The following SEPTIN7 variants were observed in gnomAD, a reference collection of about 807,000 sequenced individuals.
The protein encoded by SEPTIN7 is septin 7.
In SEPTIN7, 10 loss-of-function variants were observed where a neutral mutation model predicts 63.3. That is an observed-to-expected ratio of 0.16 (90% CI 0.10 to 0.27). SEPTIN7 has a LOEUF of 0.27. Among genes scored for constraint, SEPTIN7 ranks in the 10% least tolerant of loss-of-function variants. The probability of loss-of-function intolerance (pLI) is 1.00; values close to 1 mark genes in which losing one functional copy is unlikely to be tolerated. For missense variants in SEPTIN7, 310 were observed against 521.0 expected (o/e 0.59, Z 3.94); for synonymous variants, 131 against 165.3 (o/e 0.79, Z 1.59).
Position 35,906,581 on chromosome 7 carries a change from T to C in SEPTIN7, c.*2288T>C, listed in dbSNP as rs901183825. 37 of 152,198 alleles carry C rather than the reference T, an allele frequency of 2.4e-4. No homozygotes were observed. The highest frequency in any genetic ancestry group is 8.2e-4 in the African/African-American group (34 of 41,424). The allele number at this position is 152,198 out of a possible 1,614,324, so 9.4% of individuals were successfully genotyped here. A position where few individuals can be genotyped will look rare whatever the true frequency, so the allele number is the denominator to read the frequency against. On this transcript the variant is annotated 3_prime_UTR_variant, in exon 14 of 14. Coordinates refer to ENST00000350320, the MANE Select transcript of SEPTIN7 (RefSeq NM_001788.6). ...TAAGTGGGGCTGAACAAGTAAGCAC[T>C]AATAATACCAGTGAACCACTTGGGC...
At chr7:35,807,401 G>A (rs1425089085) in intron 1 of SEPTIN7, among the ~76,000 whole-genome samples, 3 of 117,164 alleles carry the variant, frequency 2.6e-5, no homozygotes, top group East Asian at 2.9e-4. Flanking sequence ...TCTCTGTGTC[G>A]CCCAGGCTGG....
intron 3 of SEPTIN7, 32 bp downstream of exon 3, chr7:35,832,932 T>G: frequency 2.4e-6 from 3 of 1,269,750 alleles, no homozygotes; most frequent in Non-Finnish European, 3.5e-6. Flanking sequence ...AAATGGAACT[T>G]TGGTTTAAGT....
chr7:35,849,531 A>G (rs35769007), intron 3 of SEPTIN7, among the ~76,000 whole-genome samples: 49,543 of 152,036 alleles, frequency 0.33, 8,307 homozygotes, highest in East Asian at 0.41. Context: ...CTAACAGGCC[A>G]CGGACTGTGG....
intron 1 of SEPTIN7, among the ~76,000 whole-genome samples, chr7:35,818,493 A>G (rs921226190): frequency 6.6e-6 from 1 of 151,966 alleles, no homozygotes; most frequent in Admixed American, 6.6e-5. Context: ...GAAGTATTTA[A>G]TCCTCTTCTA....
At chr7:35,886,087 A>G (rs1787227271) in intron 10 of SEPTIN7, among the ~76,000 whole-genome samples, 1 of 152,238 alleles carries the variant, frequency 6.6e-6, no homozygotes. Flanking sequence ...CTAGGGATAC[A>G]TAGGAAAATT....
chr7:35,897,044 T>C (rs1562588766), intron 11 of SEPTIN7, among the ~76,000 whole-genome samples: 1 of 152,190 alleles, frequency 6.6e-6, no homozygotes, highest in Non-Finnish European at 1.5e-5. Flanking sequence ...AGGAGAAAAG[T>C]CACCATAATA....
intron 1 of SEPTIN7, among the ~76,000 whole-genome samples, chr7:35,822,973 A>C (rs375410938): frequency 6.6e-6 from 1 of 152,184 alleles, no homozygotes; most frequent in African/African-American, 2.4e-5. Context: ...ACTTTCAGTA[A>C]GTTAGCTTCA....
At chr7:35,901,952 TTGC>T (rs1323187294) in intron 12 of SEPTIN7, 1 of 151,894 alleles carries the variant, frequency 6.6e-6, no homozygotes, top group Non-Finnish European at 1.5e-5. Flanking sequence ...TTTGTAGGAA[TTGC>T]ATGAAATAAT....
In SEPTIN7 at chr7:35,833,444, T is replaced by C. The variant is rs373544220; in HGVS notation, c.169+544T>C. On this transcript the variant is annotated intron_variant, in intron 3 of 13. Coordinates refer to ENST00000350320, the MANE Select transcript of SEPTIN7 (RefSeq NM_001788.6). ...TTTGTGTGTTATTCCATGAACACAT[T>C]ACCCTGCCTATAGTCCATTTGAAAA... Among the ~76,000 whole-genome samples, 122 of 152,108 alleles carry C rather than the reference T, an allele frequency of 8.0e-4. 5 individuals are homozygous for C. In the South Asian group the frequency reaches 0.025, roughly 31 times the overall value.
intron 1 of SEPTIN7, among the ~76,000 whole-genome samples, chr7:35,830,356 C>G (rs1783771870): frequency 6.6e-6 from 1 of 152,128 alleles, no homozygotes; most frequent in Non-Finnish European, 1.5e-5. Flanking sequence ...AGAGCCAGAT[C>G]TTGCTAGGCT....
chr7:35,871,464 G>T (rs142861161), intron 4 of SEPTIN7, among the ~76,000 whole-genome samples: 68 of 152,324 alleles, frequency 4.5e-4, no homozygotes, highest in African/African-American at 1.6e-3. Context: ...TAGCCACATG[G>T]ACAAGTGGAA....
At chr7:35,903,006 T>A in intron 12 of SEPTIN7, 70 bp from the exon 13 acceptor site, 1 of 1,476,266 alleles carries the variant, frequency 6.8e-7, no homozygotes, top group Non-Finnish European at 9.0e-7. Flanking sequence ...CATTAGGGTG[T>A]CTGGATGAAA....
chr7:35,825,946 G>A (rs908684327), intron 1 of SEPTIN7, among the ~76,000 whole-genome samples: 3 of 152,106 alleles, frequency 2.0e-5, no homozygotes, highest in Non-Finnish European at 4.4e-5. Context: ...GTTCATATCA[G>A]TAAAAAGAGG....
chr7:35,863,278 C>T (rs2116152001), intron 3 of SEPTIN7, among the ~76,000 whole-genome samples: 1 of 152,040 alleles, frequency 6.6e-6, no homozygotes, highest in Admixed American at 6.6e-5. Context: ...AATAACATTA[C>T]TGTTAAAAAT....
chr7:35,814,733 T>C (rs1168676042), intron 1 of SEPTIN7, among the ~76,000 whole-genome samples: 1 of 152,156 alleles, frequency 6.6e-6, no homozygotes, highest in Admixed American at 6.5e-5. Flanking sequence ...CCCAGCACTT[T>C]GGGTGGCCAA....
intron 1 of SEPTIN7, among the ~76,000 whole-genome samples, chr7:35,817,815 T>G (rs1388370567): frequency 6.6e-6 from 1 of 152,044 alleles, no homozygotes; most frequent in Admixed American, 6.5e-5. Flanking sequence ...AATTTTTTCT[T>G]AATTTTTTTA....
chr7:35,818,736 T>A (rs901426704), intron 1 of SEPTIN7, among the ~76,000 whole-genome samples: 9 of 152,030 alleles, frequency 5.9e-5, no homozygotes, highest in African/African-American at 2.2e-4. Flanking sequence ...TTCCTCTAGG[T>A]TATAATCTGA....
At chr7:35,863,035 T>C (rs540903420) in intron 3 of SEPTIN7, among the ~76,000 whole-genome samples, 3 of 152,246 alleles carry the variant, frequency 2.0e-5, no homozygotes, top group Non-Finnish European at 4.4e-5. Context: ...AGCACCCTTA[T>C]ATTTAGGCTG....
chr7:35,864,877 A>T (rs1785717418), intron 4 of SEPTIN7, among the ~76,000 whole-genome samples: 1 of 152,140 alleles, frequency 6.6e-6, no homozygotes, highest in Non-Finnish European at 1.5e-5. Flanking sequence ...TGATCATCCC[A>T]GTGCACAGGA....
Sources: allele counts gnomAD v4.1 joint callset (sites outside exome capture counted in the v4.1 genomes callset), GRCh38; gene constraint gnomAD v4.1.1; transcripts MANE v1.5; gene names NCBI Gene and HGNC (gene_info 2026-07-23, HGNC 2026-07-21).